The following ANO6 variants were observed in gnomAD, a reference collection of about 807,000 sequenced individuals.
The protein encoded by ANO6 is anoctamin 6.
Under a neutral mutation model 117.5 loss-of-function variants are expected in ANO6, and 106 were observed. That is an observed-to-expected ratio of 0.90 (90% CI 0.77 to 1.06). The LOEUF is 1.06. ANO6 is among the 50% of genes least tolerant of loss of function. The pLI is 0.00. For synonymous variants in ANO6, 367 were observed against 385.1 expected, an observed-to-expected ratio of 0.95 and a Z score of 0.55; for missense variants, 955 against 1,121.1, an observed-to-expected ratio of 0.85 and a Z score of 2.12.
chr12:45,357,513 AGACT>A (rs1941444419), intron 8 of ANO6, 89 bp downstream of exon 8: 2 of 1,471,400 alleles, frequency 1.4e-6, no homozygotes, highest in Admixed American at 1.7e-5. Flanking sequence ...TGGTAAGACA[AGACT>A]GACTGCAGAA....
Position 45,270,376 on chromosome 12 carries a change from C to G in ANO6, c.71-31638C>G. 3 of 1,407,306 alleles carry G rather than the reference C, an allele frequency of 2.1e-6. No homozygotes were observed. In the South Asian group the frequency reaches 5.0e-5, roughly 23 times the overall value. The allele number at this position is 1,407,306 out of a possible 1,614,324, so 87.2% of individuals were successfully genotyped here. The stretch of plus-strand genomic sequence containing the variant: ...GGTCCTTGTTGTTACAGAGGCAGGT[C>G]TGATGCCGCCTCCTGCTCTGTCTGC... On this transcript the variant is annotated intron_variant, in intron 1 of 19. Coordinates refer to ENST00000320560, the MANE Select transcript of ANO6 (RefSeq NM_001025356.3).
chr12:45,292,857 G>A, intron 1 of ANO6: 1 of 1,548,076 alleles, frequency 6.5e-7, no homozygotes, highest in Non-Finnish European at 8.7e-7. Context: ...GGTAGAGGTA[G>A]GAGGGTAAGA....
chr12:45,428,205 A>G (rs1226013353), intron 19 of ANO6, among the ~76,000 whole-genome samples: 1 of 152,238 alleles, frequency 6.6e-6, no homozygotes, highest in African/African-American at 2.4e-5. Context: ...AACAACCTCA[A>G]TGCCTGTTCA....
intron 1 of ANO6, among the ~76,000 whole-genome samples, chr12:45,226,194 G>C (rs73281305): frequency 2.1e-4 from 32 of 152,240 alleles, no homozygotes; most frequent in African/African-American, 7.7e-4. Context: ...CAAGTTGAAG[G>C]GTTAATAGGC....
chr12:45,332,263 A>G (rs1306277499), intron 3 of ANO6, among the ~76,000 whole-genome samples: 1 of 150,356 alleles, frequency 6.7e-6, no homozygotes, highest in Non-Finnish European at 1.5e-5. Context: ...CCCTTTTCAC[A>G]TATATGTGTG....
chr12:45,310,907 C>T (rs1251638833), intron 2 of ANO6, among the ~76,000 whole-genome samples: 1 of 151,888 alleles, frequency 6.6e-6, no homozygotes, highest in Non-Finnish European at 1.5e-5. Flanking sequence ...CTCCATATTC[C>T]AGAATGAGAT....
At chr12:45,333,022 CATA>C (rs1940719704) in intron 3 of ANO6, among the ~76,000 whole-genome samples, 1 of 151,636 alleles carries the variant, frequency 6.6e-6, no homozygotes, top group African/African-American at 2.4e-5. Context: ...AATGCTGTAT[CATA>C]ATTTCATTGT....
intron 19 of ANO6, among the ~76,000 whole-genome samples, chr12:45,428,061 T>G (rs1421181420): frequency 6.6e-6 from 1 of 151,880 alleles, no homozygotes; most frequent in East Asian, 1.9e-4. Context: ...TCTTATAAAA[T>G]GGAACATTCA....
intron 11 of ANO6, 134 bp downstream of exon 11, chr12:45,388,437 C>T: frequency 8.8e-7 from 1 of 1,133,376 alleles, no homozygotes; most frequent in Non-Finnish European, 1.3e-6. Flanking sequence ...TACTCTGGTA[C>T]TTAGTAACCT....
At chr12:45,369,563 T>C (rs992887638) in intron 9 of ANO6, among the ~76,000 whole-genome samples, 2 of 152,094 alleles carry the variant, frequency 1.3e-5, no homozygotes, top group East Asian at 3.8e-4. Context: ...CCTTGAGTCT[T>C]GTCAGAATGA....
At chr12:45,311,044 A>G (rs1939833336) in intron 2 of ANO6, among the ~76,000 whole-genome samples, 1 of 152,092 alleles carries the variant, frequency 6.6e-6, no homozygotes, top group Non-Finnish European at 1.5e-5. Flanking sequence ...TTAGATTGAC[A>G]GAATAGGAGA....
intron 1 of ANO6, among the ~76,000 whole-genome samples, chr12:45,218,704 A>G (rs948290034): frequency 1.3e-5 from 2 of 152,216 alleles, no homozygotes; most frequent in Non-Finnish European, 2.9e-5. Flanking sequence ...ATAGTGGTCC[A>G]AAGCCTTTTA....
intron 3 of ANO6, among the ~76,000 whole-genome samples, chr12:45,334,212 C>T (rs192567247): frequency 4.6e-5 from 7 of 152,138 alleles, no homozygotes; most frequent in Admixed American, 1.3e-4. Context: ...AACAAACGCT[C>T]GTTTAGTCTG....
exon 20 of ANO6, chr12:45,439,708 G>A: frequency 6.6e-7 from 1 of 1,521,976 alleles, no homozygotes; most frequent in Non-Finnish European, 8.8e-7. Context: ...GGGACACAGT[G>A]GCATGATCTT....
chr12:45,276,324 C>T (rs1418247091), intron 1 of ANO6, among the ~76,000 whole-genome samples: 2 of 152,276 alleles, frequency 1.3e-5, no homozygotes, highest in South Asian at 2.1e-4. Context: ...CAGAAGTATG[C>T]TCTGTGATGG....
intron 2 of ANO6, among the ~76,000 whole-genome samples, chr12:45,306,517 A>G (rs946774004): frequency 6.6e-6 from 1 of 152,160 alleles, no homozygotes; most frequent in African/African-American, 2.4e-5. Context: ...GGAAGTCTGA[A>G]GAGTAATTAT....
At chr12:45,351,985 ATG>A (rs1244466315) in intron 7 of ANO6, among the ~76,000 whole-genome samples, 1 of 151,850 alleles carries the variant, frequency 6.6e-6, no homozygotes, top group Non-Finnish European at 1.5e-5. Context: ...CAGATTTGGG[ATG>A]TGTTTGGGGA....
At chr12:45,311,937 CATTT>C (rs1343149819) in intron 2 of ANO6, among the ~76,000 whole-genome samples, 1 of 151,934 alleles carries the variant, frequency 6.6e-6, no homozygotes, top group African/African-American at 2.4e-5. Context: ...TTTTTTTCCT[CATTT>C]AACATATTAT....
At chr12:45,382,071 A>AGAG (rs1461430824) in intron 10 of ANO6, among the ~76,000 whole-genome samples, 1 of 152,174 alleles carries the variant, frequency 6.6e-6, no homozygotes, top group Admixed American at 6.5e-5. Flanking sequence ...TCTGCCAATA[A>AGAG]TTTGGCTATT....
Sources: allele counts gnomAD v4.1 joint callset (sites outside exome capture counted in the v4.1 genomes callset), GRCh38; gene constraint gnomAD v4.1.1; transcripts MANE v1.5; gene names NCBI Gene and HGNC (gene_info 2026-07-23, HGNC 2026-07-21).